Variants in CDH13 observed in about 807,000 individuals in gnomAD.
CDH13 encodes the protein cadherin 13, also known as cadherin-13.
In CDH13, 24 loss-of-function variants were observed where a neutral mutation model predicts 63.8. The ratio of observed to expected loss-of-function variants is 0.38; its 90% CI spans 0.27 to 0.53. The LOEUF (loss-of-function observed/expected upper bound fraction) is 0.53, where lower values mean the gene tolerates loss of function less well. Ranked by LOEUF, CDH13 falls within the 20% of genes least tolerant of loss-of-function variation. The pLI, the probability that CDH13 is intolerant of heterozygous loss-of-function variation, is 0.85. For synonymous variants in CDH13, 503 were observed against 355.3 expected (o/e 1.42, Z -4.67); for missense variants, 1,049 against 903.1 (o/e 1.16, Z -2.07).
At chr16:83,056,921 G>T (rs779687312) in intron 3 of CDH13, among the ~76,000 whole-genome samples, 2 of 151,996 alleles carry the variant, frequency 1.3e-5, no homozygotes, top group African/African-American at 4.8e-5. Context: ...AGTCCTCCCC[G>T]GCTATGTGGA....
At chr16:82,857,040 A>G (rs1409801848) in intron 1 of CDH13, among the ~76,000 whole-genome samples, 2 of 152,194 alleles carry the variant, frequency 1.3e-5, no homozygotes, top group Non-Finnish European at 2.9e-5. Flanking sequence ...TTTTAGAGAC[A>G]TATCTCGTAC....
At chr16:82,698,661 C>G (rs1287550599) in intron 1 of CDH13, among the ~76,000 whole-genome samples, 1 of 152,238 alleles carries the variant, frequency 6.6e-6, no homozygotes, top group Non-Finnish European at 1.5e-5. Context: ...AAGCAATCTA[C>G]TGGCCAAACA....
At chr16:83,731,094 T>C (rs1910994903) in intron 10 of CDH13, among the ~76,000 whole-genome samples, 1 of 152,256 alleles carries the variant, frequency 6.6e-6, no homozygotes, top group Non-Finnish European at 1.5e-5. Context: ...TTCCTTGTGC[T>C]TGCCATTGTG....
intron 1 of CDH13, among the ~76,000 whole-genome samples, chr16:82,723,424 C>T (rs2032901960): frequency 6.6e-6 from 1 of 152,140 alleles, no homozygotes; most frequent in South Asian, 2.1e-4. Context: ...TATTCCCCAG[C>T]CTCCCTTAAG....
intron 7 of CDH13, among the ~76,000 whole-genome samples, chr16:83,562,181 C>T (rs4076888): frequency 6.6e-6 from 1 of 151,910 alleles, no homozygotes; most frequent in Admixed American, 6.6e-5. Context: ...CATAGTGGAA[C>T]TCTGGGTGCC....
chr16:83,145,371 A>G (rs2036705322), intron 4 of CDH13, among the ~76,000 whole-genome samples: 1 of 152,212 alleles, frequency 6.6e-6, no homozygotes, highest in Non-Finnish European at 1.5e-5. Context: ...AAGGGAGAAA[A>G]TAATTATCAG....
At chr16:83,604,478 A>G (rs1235721657) in intron 8 of CDH13, among the ~76,000 whole-genome samples, 1 of 152,226 alleles carries the variant, frequency 6.6e-6, no homozygotes, top group East Asian at 1.9e-4. Flanking sequence ...TGTGGGAAAC[A>G]CTGAATTGAT....
At chr16:83,609,534 T>C (rs898491673) in intron 8 of CDH13, among the ~76,000 whole-genome samples, 6 of 152,228 alleles carry the variant, frequency 3.9e-5, no homozygotes, top group African/African-American at 1.4e-4. Flanking sequence ...TTATGATTCA[T>C]TCTTCTTCAT....
At chr16:83,283,653 TC>T (rs1200907271) in intron 5 of CDH13, among the ~76,000 whole-genome samples, 1 of 152,140 alleles carries the variant, frequency 6.6e-6, no homozygotes, top group Non-Finnish European at 1.5e-5. Context: ...ACCTGAAATG[TC>T]CTTTAGTGTT....
At chr16:83,441,953 T>C (rs1209037555) in intron 6 of CDH13, among the ~76,000 whole-genome samples, 2 of 152,154 alleles carry the variant, frequency 1.3e-5, no homozygotes, top group Admixed American at 6.5e-5. Flanking sequence ...GAGGGCTTTA[T>C]CTATAAGGAG....
intron 1 of CDH13, among the ~76,000 whole-genome samples, chr16:82,676,746 C>T (rs1913956905): frequency 6.6e-6 from 1 of 152,110 alleles, no homozygotes; most frequent in African/African-American, 2.4e-5. Context: ...CTTTCTGAGA[C>T]CAGCCCCTCC....
In CDH13 at chr16:82,644,963, G is replaced by C. The variant is rs1014407979; in HGVS notation, c.45+17826G>C. Among the ~76,000 whole-genome samples the C allele has an allele frequency of 2.6e-5, 4 of 152,138 alleles. No individual in the cohort carries two copies. The South Asian group carries it at 8.3e-4, about 32-fold the overall frequency. ...TAAACTAATATTTTGGAAAACTCTG[G>C]AGTTAGAGAAGTGGACCAGATTGGG... is the stretch of plus-strand genomic sequence containing the variant. On this transcript the variant is annotated intron_variant, in intron 1 of 13. Coordinates refer to ENST00000567109, the MANE Select transcript of CDH13 (RefSeq NM_001257.5). The surrounding 1 kb of genome is among the most constrained non-coding windows in gnomAD (Gnocchi z 5.7).
At chr16:82,688,215 C>A (rs1016214608) in intron 1 of CDH13, among the ~76,000 whole-genome samples, 13 of 152,300 alleles carry the variant, frequency 8.5e-5, no homozygotes, top group African/African-American at 7.2e-5. Flanking sequence ...AGCCTGGCAG[C>A]AACTGCTACT....
intron 10 of CDH13, among the ~76,000 whole-genome samples, chr16:83,693,113 C>G (rs926347665): frequency 6.6e-6 from 1 of 152,066 alleles, no homozygotes; most frequent in African/African-American, 2.4e-5. Flanking sequence ...AGTACATAGC[C>G]AAGTGGCCAC....
intron 5 of CDH13, among the ~76,000 whole-genome samples, chr16:83,297,067 T>G (rs1470393092): frequency 6.6e-6 from 1 of 152,188 alleles, no homozygotes; most frequent in Admixed American, 6.5e-5. Context: ...TCTATTTTCA[T>G]TTTAATAAGC....
intron 10 of CDH13, among the ~76,000 whole-genome samples, chr16:83,723,750 T>C (rs1463434904): frequency 6.6e-6 from 1 of 152,212 alleles, no homozygotes; most frequent in East Asian, 1.9e-4. Flanking sequence ...AGAACAGGAA[T>C]TTCATGCCTT....
intron 13 of CDH13, among the ~76,000 whole-genome samples, chr16:83,789,204 A>G (rs540013019): frequency 1.3e-5 from 2 of 152,206 alleles, no homozygotes; most frequent in South Asian, 4.1e-4. Flanking sequence ...AGCAGACATC[A>G]AAGTGGCCGA....
rs1904292486 is a variant in CDH13 at position 83,798,222 on chromosome 16, CT to C, written c.*3193del. On this transcript the variant is annotated 3_prime_UTR_variant, in exon 14 of 14. Coordinates refer to ENST00000567109, the MANE Select transcript of CDH13 (RefSeq NM_001257.5). Reference sequence around the variant, plus strand: ...ATTGCATTTTACCCAAATAAATACACTGGGTCTTAATCTTAAGATGTGACAA... The same window carrying C: ...ATTGCATTTTACCCAAATAAATACACGGGTCTTAATCTTAAGATGTGACAA... 6.6e-6 allele frequency: 1 copy of C among 152,188 alleles called. No individual in the cohort carries two copies. The allele number at this position is 152,188 out of a possible 1,614,324, so 9.4% of individuals were successfully genotyped here.
At chr16:83,733,387 G>A (rs564312224) in intron 10 of CDH13, among the ~76,000 whole-genome samples, 2 of 152,180 alleles carry the variant, frequency 1.3e-5, no homozygotes, top group Non-Finnish European at 2.9e-5. Context: ...CGGTAACCTG[G>A]CCTCCATCAC....
Sources: gnomAD v4.1 joint callset for allele counts (sites outside exome capture counted in the v4.1 genomes callset) on GRCh38, gnomAD v4.1.1 for gene constraint, Gnocchi (gnomAD v3.1) non-coding constraint, MANE v1.5 for transcripts, NCBI Gene and HGNC (gene_info 2026-07-23, HGNC 2026-07-21) for gene names.